ADAM22: variants seen among roughly 807,000 people sequenced by gnomAD.
ADAM22 encodes disintegrin and metalloproteinase domain-containing protein 22.
Under a neutral mutation model 144.6 loss-of-function variants are expected in ADAM22, and 65 were observed. The observed-to-expected ratio is 0.45, with a 90% CI of 0.37 to 0.55. The LOEUF (loss-of-function observed/expected upper bound fraction) is 0.55, where lower values mean the gene tolerates loss of function less well. Among genes scored for constraint, ADAM22 ranks in the 20% least tolerant of loss-of-function variants. ADAM22 has a pLI of 0.00. For synonymous variants in ADAM22, 391 were observed against 412.6 expected (o/e 0.95, Z 0.63); for missense variants, 974 against 1,184.9 (o/e 0.82, Z 2.61).
chr7:88,073,014 G>A (rs1287629548), intron 3 of ADAM22, among the ~76,000 whole-genome samples: 1 of 152,170 alleles, frequency 6.6e-6, no homozygotes, highest in Non-Finnish European at 1.5e-5. Flanking sequence ...CAAAAAAAGA[G>A]ACAATTTTCA....
At chr7:88,135,283 A>G (rs1193992016) in intron 13 of ADAM22, among the ~76,000 whole-genome samples, 2 of 149,260 alleles carry the variant, frequency 1.3e-5, no homozygotes, top group Non-Finnish European at 3.0e-5. Context: ...ATCTCAAAAA[A>G]AAAAAAAAAA....
intron 3 of ADAM22, among the ~76,000 whole-genome samples, chr7:88,051,351 C>T (rs905497095): frequency 7.9e-5 from 12 of 152,280 alleles, no homozygotes; most frequent in African/African-American, 2.6e-4. Context: ...CACATATACA[C>T]CATGGAATAC....
At chr7:87,990,505 A>G (rs1309701659) in intron 3 of ADAM22, among the ~76,000 whole-genome samples, 1 of 152,240 alleles carries the variant, frequency 6.6e-6, no homozygotes, top group Non-Finnish European at 1.5e-5. Flanking sequence ...CAGGTATAGA[A>G]CATTACCAGT....
chr7:88,092,563 CAT>C (rs1257208812), intron 4 of ADAM22, among the ~76,000 whole-genome samples: 2 of 152,206 alleles, frequency 1.3e-5, no homozygotes, highest in East Asian at 3.8e-4. Context: ...CTTATGCAGA[CAT>C]ATGCTCCTCT....
At chr7:87,934,660 ATT>A (rs57360340) in intron 1 of ADAM22, 110 bp downstream of exon 1, 163,076 of 686,440 alleles carry the variant, frequency 0.24, 5,212 homozygotes, top group African/African-American at 0.44. Context: ...GCGCGGGGAG[ATT>A]TTTTTTTTTT....
intron 2 of ADAM22, among the ~76,000 whole-genome samples, chr7:87,958,043 A>G (rs1486430131): frequency 6.6e-6 from 1 of 152,130 alleles, no homozygotes; most frequent in Non-Finnish European, 1.5e-5. Flanking sequence ...AATTAAATTC[A>G]TTTCTTTTTA....
intron 22 of ADAM22, among the ~76,000 whole-genome samples, chr7:88,160,177 C>G (rs376875993): frequency 6.6e-6 from 1 of 151,952 alleles, no homozygotes; most frequent in Non-Finnish European, 1.5e-5. Flanking sequence ...TAATAAAGTA[C>G]CCAGGAATAC....
At chr7:88,156,555 C>T (rs949326543) in intron 22 of ADAM22, among the ~76,000 whole-genome samples, 3 of 152,014 alleles carry the variant, frequency 2.0e-5, no homozygotes, top group Non-Finnish European at 4.4e-5. Flanking sequence ...TCTTACTTCC[C>T]CACAGGCTCA....
intron 5 of ADAM22, among the ~76,000 whole-genome samples, chr7:88,108,915 T>C (rs1825272027): frequency 6.6e-6 from 1 of 152,192 alleles, no homozygotes; most frequent in Non-Finnish European, 1.5e-5. Context: ...AATGATACCT[T>C]AAAATGATAT....
chr7:88,198,141 G>C lies in ADAM22; in HGVS notation c.*1650G>C, dbSNP rs1850872598. ...AATGGAATCTGCAGACAGGTTTTCAGATATACTCTCTTAAATTTGATCCTC... is the reference window on the plus strand; with the variant it reads ...AATGGAATCTGCAGACAGGTTTTCACATATACTCTCTTAAATTTGATCCTC... On this transcript the variant is annotated 3_prime_UTR_variant, in exon 32 of 32. Coordinates refer to ENST00000413139, the MANE Select transcript of ADAM22 (RefSeq NM_001324418.2). The C allele has an allele frequency of 6.6e-6, 1 of 152,064 alleles. No individual in the cohort carries two copies. The highest frequency in any genetic ancestry group is 1.5e-5 in the Non-Finnish European group (1 of 68,014). 9.4% of individuals were successfully genotyped at this position (152,064 alleles called of 1,614,324 possible).
At chr7:88,131,477 A>T (rs542090294) in intron 11 of ADAM22, 42 bp downstream of exon 11, 1 of 1,587,586 alleles carries the variant, frequency 6.3e-7, no homozygotes, top group Non-Finnish European at 8.6e-7. Flanking sequence ...TTTTGATTCC[A>T]TGTTAAATGC....
chr7:87,957,136 C>T (rs1846978030), intron 2 of ADAM22, among the ~76,000 whole-genome samples: 1 of 152,174 alleles, frequency 6.6e-6, no homozygotes, highest in African/African-American at 2.4e-5. Context: ...GTTTAGACAT[C>T]TCTGGCTAAA....
At chr7:87,934,858 G>T in intron 1 of ADAM22, 168 bp from the exon 2 acceptor site, 3 of 952,362 alleles carry the variant, frequency 3.2e-6, no homozygotes, top group Non-Finnish European at 4.8e-6. Context: ...CTGGTCCAAG[G>T]CTCTCGGGCT....
At chr7:88,117,925 C>G (rs1316383529) in intron 7 of ADAM22, among the ~76,000 whole-genome samples, 1 of 152,106 alleles carries the variant, frequency 6.6e-6, no homozygotes, top group African/African-American at 2.4e-5. Context: ...GAACTCCTGA[C>G]CTTGTGATCC....
chr7:88,081,472 T>G (rs1816611958), intron 4 of ADAM22, among the ~76,000 whole-genome samples: 1 of 152,152 alleles, frequency 6.6e-6, no homozygotes, highest in Non-Finnish European at 1.5e-5. Flanking sequence ...TTCAACATAG[T>G]GTTGGAAGTT....
intron 3 of ADAM22, among the ~76,000 whole-genome samples, chr7:88,054,631 T>A (rs894770535): frequency 1.3e-4 from 19 of 146,514 alleles, no homozygotes; most frequent in Admixed American, 2.1e-4. Context: ...TGTGTGTGTG[T>A]GATTCCTCTG....
Position 88,200,695 on chromosome 7 carries a change from T to A in ADAM22, c.*4204T>A, listed in dbSNP as rs1156582703. 1 of 152,252 alleles carries A rather than the reference T, an allele frequency of 6.6e-6. No individual in the cohort carries two copies. Among genetic ancestry groups the A allele is most frequent in the Non-Finnish European group, 1.5e-5 (1 of 68,042 alleles). 9.4% of individuals were successfully genotyped at this position (152,252 alleles called of 1,614,324 possible). On this transcript the variant is annotated 3_prime_UTR_variant, in exon 32 of 32. Transcript: ENST00000413139. ...GGAGTCAAGATAAATTTCTCATTCT[T>A]GCTCTACAGTTTAAGATGTATAAGA...
chr7:88,027,115 T>C (rs1799182251), intron 3 of ADAM22, among the ~76,000 whole-genome samples: 1 of 152,212 alleles, frequency 6.6e-6, no homozygotes, highest in Non-Finnish European at 1.5e-5. Context: ...TTTAATGTAT[T>C]GTTGAATTTG....
intron 4 of ADAM22, among the ~76,000 whole-genome samples, chr7:88,103,608 C>A (rs1368333001): frequency 1.3e-5 from 2 of 151,890 alleles, no homozygotes; most frequent in Non-Finnish European, 2.9e-5. Context: ...GTTTCAAGGA[C>A]AATGGATTTA....
Sources: allele counts gnomAD v4.1 joint callset (sites outside exome capture counted in the v4.1 genomes callset), GRCh38; gene constraint gnomAD v4.1.1; transcripts MANE v1.5; gene names NCBI Gene and HGNC (gene_info 2026-07-23, HGNC 2026-07-21).